The following MAF variants were observed in gnomAD, a reference collection of about 807,000 sequenced individuals.
MAF encodes transcription factor Maf.
A neutral mutation model predicts 22.0 loss-of-function variants in MAF; 10 were observed. The ratio of observed to expected loss-of-function variants is 0.45; its 90% CI spans 0.28 to 0.77. The LOEUF is 0.77. MAF is among the 30% of genes least tolerant of loss of function. The probability of loss-of-function intolerance (pLI) is 0.12; values close to 1 mark genes in which losing one functional copy is unlikely to be tolerated. For synonymous variants in MAF, 337 were observed against 255.8 expected (o/e 1.32, Z -3.03); for missense variants, 544 against 548.4 (o/e 0.99, Z 0.08).
the MAF span, among the ~76,000 whole-genome samples, chr16:79,579,463 T>C: frequency 1.3e-5 from 2 of 152,206 alleles, no homozygotes; most frequent in African/African-American, 2.4e-5. Flanking sequence ...ATTTATTTTA[T>C]GAGCAAAACC....
At chr16:79,548,718 T>A in the MAF span, among the ~76,000 whole-genome samples, 2 of 152,134 alleles carry the variant, frequency 1.3e-5, no homozygotes, top group African/African-American at 4.8e-5. Context: ...GCAGTGCCCA[T>A]TGAATACCTG....
chr16:79,312,063 T>C, the MAF span, among the ~76,000 whole-genome samples: 1 of 152,180 alleles, frequency 6.6e-6, no homozygotes, highest in Admixed American at 6.5e-5. Context: ...CTCTGCTTTC[T>C]TCTCTTCTCT....
the MAF span, among the ~76,000 whole-genome samples, chr16:79,572,893 T>C: frequency 2.0e-5 from 3 of 152,226 alleles, no homozygotes; most frequent in Admixed American, 6.5e-5. Context: ...GAATAGTCTG[T>C]GCTATAAGAT....
the MAF span, among the ~76,000 whole-genome samples, chr16:79,442,745 G>A: frequency 4.6e-3 from 703 of 152,292 alleles, 7 homozygotes; most frequent in African/African-American, 0.016. Flanking sequence ...CCATCTCCCA[G>A]TAGCCAGTGT....
downstream of MAF, among the ~76,000 whole-genome samples, chr16:79,585,276 C>T (rs148653230): frequency 1.3e-5 from 2 of 152,264 alleles, no homozygotes; most frequent in East Asian, 1.9e-4. Context: ...TTCTGCTTCC[C>T]ACCCATCTCC....
chr16:79,391,729 C>T, the MAF span, among the ~76,000 whole-genome samples: 7 of 152,156 alleles, frequency 4.6e-5, no homozygotes, highest in South Asian at 2.1e-4. Context: ...AATGGAAATG[C>T]GGCTGCGTCA....
the MAF span, among the ~76,000 whole-genome samples, chr16:79,578,088 C>T: frequency 6.6e-6 from 1 of 152,084 alleles, no homozygotes; most frequent in Non-Finnish European, 1.5e-5. Context: ...AGCAGAATAG[C>T]TGTTTTAAAA....
chr16:79,420,456 TAA>T, the MAF span, among the ~76,000 whole-genome samples: 2 of 152,198 alleles, frequency 1.3e-5, no homozygotes, highest in South Asian at 2.1e-4. Flanking sequence ...TTCTTTTTTA[TAA>T]GAGTATTTTT....
the MAF span, among the ~76,000 whole-genome samples, chr16:79,322,938 C>T: frequency 6.6e-6 from 1 of 151,690 alleles, no homozygotes; most frequent in African/African-American, 2.4e-5. Context: ...ATCATGAGGT[C>T]AGGAGATCAA....
At chr16:79,468,679 G>T in the MAF span, among the ~76,000 whole-genome samples, 1 of 152,220 alleles carries the variant, frequency 6.6e-6, no homozygotes, top group Admixed American at 6.5e-5. Context: ...GGATGGTGCA[G>T]ACAGTGGTAA....
At chr16:79,438,981 G>C in the MAF span, among the ~76,000 whole-genome samples, 5 of 152,048 alleles carry the variant, frequency 3.3e-5, no homozygotes, top group Admixed American at 6.5e-5. Context: ...CATCGAAAGA[G>C]CCATAATCAA....
chr16:79,315,367 T>C, the MAF span, among the ~76,000 whole-genome samples: 1 of 152,208 alleles, frequency 6.6e-6, no homozygotes, highest in Non-Finnish European at 1.5e-5. Context: ...TTTTAAAAAA[T>C]ATTTTACTAA....
chr16:79,502,696 A>AATATAAATATAAATATAAATATATAT, the MAF span, among the ~76,000 whole-genome samples: 49 of 19,234 alleles, frequency 2.5e-3, no homozygotes, highest in African/African-American at 8.4e-3. Flanking sequence ...TATAAATATA[A>AATATAAATATAAATATAAATATATAT]ATATAAATAT....
chr16:79,329,956 TAA>T, the MAF span, among the ~76,000 whole-genome samples: 1 of 147,952 alleles, frequency 6.8e-6, no homozygotes, highest in African/African-American at 2.5e-5. Context: ...TAAGTCATCA[TAA>T]AAAAAAAACA....
At chr16:79,517,568 C>CTTTTTTTTTTTTT in the MAF span, among the ~76,000 whole-genome samples, 1 of 99,796 alleles carries the variant, frequency 1.0e-5, no homozygotes, top group African/African-American at 3.8e-5. Flanking sequence ...ACTGTTTAGT[C>CTTTTTTTTTTTTT]TTTTTTTTTT....
At chr16:79,569,714 G>C in the MAF span, among the ~76,000 whole-genome samples, 1 of 152,176 alleles carries the variant, frequency 6.6e-6, no homozygotes, top group South Asian at 2.1e-4. Context: ...TTGATGCCTG[G>C]GTACCACCCC....
the MAF span, among the ~76,000 whole-genome samples, chr16:79,450,802 G>GAA: frequency 4.1e-5 from 6 of 144,738 alleles, no homozygotes; most frequent in Admixed American, 6.8e-5. Context: ...ACTGAAAACA[G>GAA]AAAAAAAAAA....
the MAF span, among the ~76,000 whole-genome samples, chr16:79,300,435 G>C: frequency 6.6e-6 from 1 of 152,066 alleles, no homozygotes; most frequent in Non-Finnish European, 1.5e-5. Context: ...CACACATGTA[G>C]TCCCAGCTAC....
chr16:79,318,737 T>G, the MAF span, among the ~76,000 whole-genome samples: 78 of 152,262 alleles, frequency 5.1e-4, no homozygotes, highest in African/African-American at 1.8e-3. Context: ...TCCCTGAATA[T>G]CAAAGATTGT....
Sources: gnomAD v4.1 joint callset for allele counts (sites outside exome capture counted in the v4.1 genomes callset) on GRCh38, gnomAD v4.1.1 for gene constraint, MANE v1.5 for transcripts, NCBI Gene and HGNC (gene_info 2026-07-23, HGNC 2026-07-21) for gene names.